GPR89B: variants seen among roughly 807,000 people sequenced by gnomAD.
GPR89B encodes the protein G protein-coupled receptor 89B.
GPR89B carries 25 observed loss-of-function variants against 52.4 expected under a neutral mutation model. That is an observed-to-expected ratio of 0.48 (90% confidence interval 0.35 to 0.67). The LOEUF (loss-of-function observed/expected upper bound fraction) is 0.67. Ranked by LOEUF, GPR89B falls within the 30% of genes least tolerant of loss-of-function variation. GPR89B has a pLI of 0.01. For missense variants in GPR89B, 146 were observed against 450.2 expected (o/e 0.32, Z 6.11); for synonymous variants, 52 against 151.2 (o/e 0.34, Z 4.81).
In GPR89B at chr1:147,955,463, G is replaced by GT. The variant is rs1407087804; in HGVS notation, c.617+1068dup. On this transcript the variant is annotated intron_variant, in intron 7 of 13. Transcript: ENST00000314163. ...GGATCATATGGCAATTCCATTTTCAGTTTTTTTGGGAACCTCCACACTATT... is the reference window on the plus strand; with the variant it reads ...GGATCATATGGCAATTCCATTTTCAGTTTTTTTTGGGAACCTCCACACTATT... 5.3e-5 allele frequency among the ~76,000 whole-genome samples: 8 copies of GT among 151,986 alleles called. No homozygotes were observed. The East Asian group carries it at 1.5e-3, about 29-fold the overall frequency.
At chr1:147,936,060 C>T (rs1448386860) in intron 1 of GPR89B, among the ~76,000 whole-genome samples, 1 of 152,262 alleles carries the variant, frequency 6.6e-6, no homozygotes, top group African/African-American at 2.4e-5. Flanking sequence ...CTCTATCACC[C>T]AGGCTGGAAT....
At chr1:147,968,441 A>T in intron 8 of GPR89B, 1 of 453,054 alleles carries the variant, frequency 2.2e-6, no homozygotes, top group Non-Finnish European at 4.4e-6. Context: ...AATGTCTGTA[A>T]ATCCTAGCCT....
chr1:147,949,094 CA>C (rs1404902820), intron 5 of GPR89B, among the ~76,000 whole-genome samples: 8 of 152,102 alleles, frequency 5.3e-5, no homozygotes, highest in African/African-American at 1.9e-4. Context: ...CACCGATCAA[CA>C]GGATCACAAG....
At chr1:147,939,998 T>TGA (rs1244584991) in intron 3 of GPR89B, among the ~76,000 whole-genome samples, 1 of 150,274 alleles carries the variant, frequency 6.7e-6, no homozygotes, top group African/African-American at 2.5e-5. Context: ...AAAAAAAGAG[T>TGA]GAGAGAGAGA....
intron 10 of GPR89B, among the ~76,000 whole-genome samples, chr1:147,972,302 T>G (rs1216638935): frequency 0.012 from 1,705 of 147,334 alleles, 14 homozygotes; most frequent in East Asian, 0.02. Flanking sequence ...GTACAATTTT[T>G]TGTATAGACG....
chr1:147,972,076 T>C (rs1657515475), intron 10 of GPR89B, among the ~76,000 whole-genome samples: 1 of 151,708 alleles, frequency 6.6e-6, no homozygotes, highest in Admixed American at 6.6e-5. Context: ...TCCTACAGTA[T>C]GTATCCTTTT....
chr1:148,005,134 TA>T, the GPR89B span, among the ~76,000 whole-genome samples: 139 of 53,834 alleles, frequency 2.6e-3, no homozygotes, highest in Non-Finnish European at 4.3e-3. Flanking sequence ...ATCCAAAAGG[TA>T]AAGTTAATAA....
At chr1:147,961,510 A>G (rs1452175793) in intron 7 of GPR89B, among the ~76,000 whole-genome samples, 3 of 152,292 alleles carry the variant, frequency 2.0e-5, no homozygotes, top group Non-Finnish European at 4.4e-5. Context: ...AAATGAACAT[A>G]CAAAAATCAG....
At chr1:147,995,609 A>G (rs1294232694), downstream of GPR89B, 25 of 1,608,982 alleles carry the variant, frequency 1.6e-5, 1 homozygote, top group East Asian at 5.6e-4. Flanking sequence ...TTCTTTTGCC[A>G]TGTGCGAGTC....
intron 9 of GPR89B, chr1:147,969,636 A>G: frequency 1.8e-6 from 1 of 541,404 alleles, no homozygotes; most frequent in Admixed American, 3.7e-5. Context: ...ATCTCATAAG[A>G]GTTGTTATGA....
chr1:147,931,117 C>G (rs1653561832), intron 1 of GPR89B, among the ~76,000 whole-genome samples: 1 of 151,992 alleles, frequency 6.6e-6, no homozygotes, highest in African/African-American at 2.4e-5. Flanking sequence ...ATTTGCCATT[C>G]TATCCCTTGG....
At chr1:147,929,463 T>G (rs1293398833) in intron 1 of GPR89B, among the ~76,000 whole-genome samples, 5 of 152,348 alleles carry the variant, frequency 3.3e-5, no homozygotes, top group South Asian at 2.1e-4. Context: ...ATGCAGGCAT[T>G]CAATAAATAA....
the GPR89B span, among the ~76,000 whole-genome samples, chr1:148,000,132 T>C: frequency 6.6e-6 from 1 of 152,098 alleles, no homozygotes; most frequent in Admixed American, 6.5e-5. Context: ...GTTAGTATAG[T>C]ACATCTGAAA....
the GPR89B span, among the ~76,000 whole-genome samples, chr1:148,013,532 ATTTCCCGAGTGTC>A: frequency 6.6e-6 from 1 of 152,054 alleles, no homozygotes; most frequent in African/African-American, 2.4e-5. Context: ...CCGCAGGAGC[ATTTCCCGAGTGTC>A]TTTCATGGGT....
At chr1:147,949,850 C>G in intron 5 of GPR89B, among the ~76,000 whole-genome samples, 1 of 138,080 alleles carries the variant, frequency 7.2e-6, no homozygotes, top group African/African-American at 2.9e-5. Flanking sequence ...CAGAGGGGCT[C>G]CTCACTTCCC....
At chr1:147,948,913 C>T (rs1406580374) in intron 5 of GPR89B, among the ~76,000 whole-genome samples, 7 of 151,944 alleles carry the variant, frequency 4.6e-5, no homozygotes, top group East Asian at 1.9e-4. Context: ...TGCGGCCTTC[C>T]GCAGTGTTTG....
At chr1:147,941,141 C>T (rs1383163808) in intron 3 of GPR89B, among the ~76,000 whole-genome samples, 3 of 151,828 alleles carry the variant, frequency 2.0e-5, no homozygotes, top group African/African-American at 7.3e-5. Context: ...CTTTGACTCA[C>T]CTTTGAGCAG....
At chr1:147,999,597 CAA>C in the GPR89B span, among the ~76,000 whole-genome samples, 6 of 107,432 alleles carry the variant, frequency 5.6e-5, no homozygotes, top group Admixed American at 9.8e-5. Context: ...GACAACGTCT[CAA>C]AAAAAAAAAA....
chr1:147,994,214 G>C (rs1659257266), downstream of GPR89B: 1 of 1,595,702 alleles, frequency 6.3e-7, no homozygotes, highest in Non-Finnish European at 8.6e-7. Context: ...CAGTAAACAG[G>C]TCGCAACTCA....
Sources: gnomAD v4.1 joint callset for allele counts (sites outside exome capture counted in the v4.1 genomes callset) on GRCh38, gnomAD v4.1.1 for gene constraint, MANE v1.5 for transcripts, NCBI Gene and HGNC (gene_info 2026-07-23, HGNC 2026-07-21) for gene names.